WDFY4: variants seen among roughly 807,000 people sequenced by gnomAD.
WDFY4 encodes the protein WD repeat- and FYVE domain-containing protein 4.
A neutral mutation model predicts 351.9 loss-of-function variants in WDFY4; 169 were observed. The observed-to-expected ratio is 0.48, with a 90% CI of 0.42 to 0.55. The LOEUF is 0.55. Ranked by LOEUF, WDFY4 falls within the 20% of genes least tolerant of loss-of-function variation. The pLI, the probability that WDFY4 is intolerant of heterozygous loss-of-function variation, is 0.00. For synonymous variants in WDFY4, 1,622 were observed against 1,574.6 expected (o/e 1.03, Z -0.71); for missense variants, 3,803 against 3,935.6 (o/e 0.97, Z 0.90).
intron 44 of WDFY4, among the ~76,000 whole-genome samples, chr10:48,897,219 G>A (rs1290404849): frequency 6.6e-6 from 1 of 152,214 alleles, no homozygotes; most frequent in Non-Finnish European, 1.5e-5. Context: ...TTCCTCCAGG[G>A]CAGGGCAGCT....
At chr10:48,799,376 C>CAAGTTT (rs2066979576) in intron 24 of WDFY4, among the ~76,000 whole-genome samples, 1 of 147,230 alleles carries the variant, frequency 6.8e-6, no homozygotes, top group South Asian at 2.1e-4. Context: ...CATGTTCTGC[C>CAAGTTT]TACACCAAGT....
intron 39 of WDFY4, among the ~76,000 whole-genome samples, chr10:48,833,783 G>A (rs2068281106): frequency 6.6e-6 from 1 of 152,260 alleles, no homozygotes; most frequent in Non-Finnish European, 1.5e-5. Flanking sequence ...TAACTCCCCA[G>A]TGGGATAAAT....
intron 47 of WDFY4, among the ~76,000 whole-genome samples, chr10:48,927,451 T>A (rs1839670624): frequency 6.6e-6 from 1 of 152,190 alleles, no homozygotes; most frequent in Admixed American, 6.5e-5. Flanking sequence ...GTGGGATGCG[T>A]TCTTCCCATT....
chr10:48,855,101 T>G (rs1459211734), intron 39 of WDFY4, among the ~76,000 whole-genome samples: 1 of 152,228 alleles, frequency 6.6e-6, no homozygotes, highest in Non-Finnish European at 1.5e-5. Flanking sequence ...CCTATTCCCT[T>G]TATTCCAAAA....
intron 45 of WDFY4, among the ~76,000 whole-genome samples, chr10:48,899,226 G>A (rs1179298334): frequency 6.6e-6 from 1 of 152,102 alleles, no homozygotes; most frequent in African/African-American, 2.4e-5. Context: ...GGTATCCAGG[G>A]CAAGCTGTAC....
intron 27 of WDFY4, among the ~76,000 whole-genome samples, chr10:48,807,414 T>C (rs1038011364): frequency 7.2e-5 from 11 of 152,226 alleles, no homozygotes; most frequent in Non-Finnish European, 1.5e-4. Flanking sequence ...CTGTTTTTAT[T>C]GTAGCATAGA....
At chr10:48,953,858 T>C (rs1589984524) in intron 51 of WDFY4, among the ~76,000 whole-genome samples, 2 of 152,246 alleles carry the variant, frequency 1.3e-5, no homozygotes, top group East Asian at 1.9e-4. Flanking sequence ...GGTTTATGAA[T>C]GTCTAATAGT....
intron 33 of WDFY4, among the ~76,000 whole-genome samples, chr10:48,820,732 G>C (rs1162814508): frequency 2.0e-5 from 3 of 152,136 alleles, no homozygotes; most frequent in Non-Finnish European, 2.9e-5. Context: ...GGTGAAGCTA[G>C]CCCAGAGGTG....
At chr10:48,975,457 C>G (rs10508909) in intron 58 of WDFY4, among the ~76,000 whole-genome samples, 7,388 of 152,164 alleles carry the variant, frequency 0.049, 219 homozygotes, top group Middle Eastern at 0.12. Context: ...CCAGGGAGAT[C>G]GACTTACCGG....
chr10:48,768,210 A>G (rs2065734346), intron 13 of WDFY4, among the ~76,000 whole-genome samples: 1 of 152,170 alleles, frequency 6.6e-6, no homozygotes, highest in African/African-American at 2.4e-5. Flanking sequence ...ATCTCCAAGC[A>G]GTTCTCAAGA....
At chr10:48,871,473 C>T (rs929221710) in intron 40 of WDFY4, among the ~76,000 whole-genome samples, 30 of 137,144 alleles carry the variant, frequency 2.2e-4, no homozygotes, top group Non-Finnish European at 2.4e-4. Context: ...TGGCCCCCCC[C>T]TTTTTTTTTT....
In WDFY4 at chr10:48,811,531, A is replaced by G. The variant is rs929253286; in HGVS notation, c.5045-8A>G. ...CTGACTTTTGTGCCCCCTTTGCCTG[A>G]TCAATAGACAACCTGAAGAGCCAGT... On this transcript the variant is annotated splice_polypyrimidine_tract_variant and splice_region_variant and intron_variant, in intron 29 of 61. Transcript: ENST00000325239. 7.1e-6 allele frequency: 11 copies of G among 1,551,902 alleles called. No homozygotes were observed. Among genetic ancestry groups the G allele is most frequent in the African/African-American group, 1.4e-5 (1 of 72,994 alleles).
At chr10:48,976,767 C>A in intron 58 of WDFY4, 30 bp from the exon 59 acceptor site, 1 of 1,350,240 alleles carries the variant, frequency 7.4e-7, no homozygotes, top group South Asian at 1.9e-5. Flanking sequence ...GTGACTCCAG[C>A]TTAGAGTGAT....
chr10:48,828,258 G>T (rs910733652), intron 36 of WDFY4, among the ~76,000 whole-genome samples: 1 of 152,152 alleles, frequency 6.6e-6, no homozygotes, highest in Non-Finnish European at 1.5e-5. Flanking sequence ...TCATATGTGA[G>T]GCCTCCAGCA....
intron 43 of WDFY4, among the ~76,000 whole-genome samples, chr10:48,877,473 T>G (rs1296519057): frequency 6.6e-6 from 1 of 152,262 alleles, no homozygotes; most frequent in Non-Finnish European, 1.5e-5. Context: ...CTTCCTACTT[T>G]GACCTTCATA....
intron 47 of WDFY4, among the ~76,000 whole-genome samples, chr10:48,921,344 A>G (rs1427421823): frequency 6.6e-6 from 1 of 152,194 alleles, no homozygotes; most frequent in Non-Finnish European, 1.5e-5. Context: ...GATTTTTGAA[A>G]AAAGGTCAAA....
At chr10:48,720,181 GC>G in intron 3 of WDFY4, 56 bp downstream of exon 3, 1 of 1,500,716 alleles carries the variant, frequency 6.7e-7, no homozygotes. Flanking sequence ...AGCCCTGCAT[GC>G]CCTCCCAGGC....
intron 51 of WDFY4, among the ~76,000 whole-genome samples, chr10:48,951,057 C>A (rs991731234): frequency 7.9e-5 from 12 of 152,210 alleles, no homozygotes; most frequent in Non-Finnish European, 1.3e-4. Context: ...AGCACAGAGA[C>A]CCCCTATTGC....
chr10:48,697,976 G>A (rs892471942), intron 1 of WDFY4, among the ~76,000 whole-genome samples: 5 of 152,204 alleles, frequency 3.3e-5, no homozygotes, highest in South Asian at 2.1e-4. Flanking sequence ...CCACGGGTGC[G>A]CCTGTCCTCC....
Sources: allele counts gnomAD v4.1 joint callset (sites outside exome capture counted in the v4.1 genomes callset), GRCh38; gene constraint gnomAD v4.1.1; transcripts MANE v1.5; gene names NCBI Gene and HGNC (gene_info 2026-07-23, HGNC 2026-07-21).